Variants in SEMA3E observed in about 807,000 individuals in gnomAD.
SEMA3E encodes the protein semaphorin-3E.
SEMA3E carries 49 observed loss-of-function variants against 93.6 expected under a neutral mutation model. That is an observed-to-expected ratio of 0.52 (90% CI 0.42 to 0.66). SEMA3E has a LOEUF of 0.66. Among genes scored for constraint, SEMA3E ranks in the 30% least tolerant of loss-of-function variants. The pLI, the probability that SEMA3E is intolerant of heterozygous loss-of-function variation, is 0.00. For missense variants in SEMA3E, 906 were observed against 964.8 expected (o/e 0.94, Z 0.81); for synonymous variants, 363 against 330.7 (o/e 1.10, Z -1.06).
At chr7:83,434,060 T>C (rs1476017087) in intron 4 of SEMA3E, among the ~76,000 whole-genome samples, 1 of 152,264 alleles carries the variant, frequency 6.6e-6, no homozygotes, top group East Asian at 1.9e-4. Flanking sequence ...GCTAAATAAC[T>C]GTAGTTTTAC....
chr7:83,441,331 T>A (rs138156131), intron 4 of SEMA3E, among the ~76,000 whole-genome samples: 136 of 152,288 alleles, frequency 8.9e-4, no homozygotes, highest in Non-Finnish European at 1.5e-3. Flanking sequence ...ACATTTCATA[T>A]GGGGAATGTG....
chr7:83,471,722 T>C (rs1281807990), intron 2 of SEMA3E, among the ~76,000 whole-genome samples: 1 of 152,314 alleles, frequency 6.6e-6, no homozygotes, highest in Admixed American at 6.5e-5. Context: ...CACCAGTCTA[T>C]TATTAGTGAA....
chr7:83,423,628 C>A (rs930904490), intron 4 of SEMA3E, among the ~76,000 whole-genome samples: 1 of 151,476 alleles, frequency 6.6e-6, no homozygotes, highest in Non-Finnish European at 1.5e-5. Flanking sequence ...CTCAGCCTCC[C>A]GAGTAGCTGG....
chr7:83,613,682 A>G lies in SEMA3E; in HGVS notation c.115+34746T>C, dbSNP rs141492974. Among the ~76,000 whole-genome samples, 942 of 152,180 alleles carry G rather than the reference A, an allele frequency of 6.2e-3. 5 individuals carry two copies. Among genetic ancestry groups the G allele is most frequent in the African/African-American group, 0.022 (903 of 41,548 alleles). ...CTTATTCCTAAGATCAAGATAGTAA[A>G]ATTAATTTAAAAAATAATAAACTTA... On this transcript the variant is annotated intron_variant, in intron 1 of 16. Transcript: ENST00000643230.
intron 14 of SEMA3E, among the ~76,000 whole-genome samples, chr7:83,389,701 C>CACATATACACGTATATATTACATGTAT (rs1168003698): frequency 1.9e-4 from 28 of 148,408 alleles, no homozygotes; most frequent in African/African-American, 5.7e-4. Context: ...TATACATACA[C>CACATATACACGTATATATTACATGTAT]ACATATATAC....
At chr7:83,533,523 G>T (rs1228590551) in intron 1 of SEMA3E, among the ~76,000 whole-genome samples, 1 of 151,844 alleles carries the variant, frequency 6.6e-6, no homozygotes, top group Non-Finnish European at 1.5e-5. Flanking sequence ...CGGCCTGGGC[G>T]ACAGAGTGAG....
rs754809666 is a variant in SEMA3E at position 83,400,264 on chromosome 7, G to A, written c.1144-14C>T. ...TTTGCTGGCACACTGAAAAACAAGT[G>A]GATCAGATAATTCTTTTTGCTTTAC... On this transcript the variant is annotated splice_polypyrimidine_tract_variant and intron_variant, in intron 10 of 16. Coordinates refer to ENST00000643230, the MANE Select transcript of SEMA3E (RefSeq NM_012431.3). The A allele has an allele frequency of 4.3e-6, 7 of 1,610,000 alleles. No individual in the cohort carries two copies. In the East Asian group the frequency reaches 1.3e-4, roughly 31 times the overall value.
intron 1 of SEMA3E, among the ~76,000 whole-genome samples, chr7:83,613,714 C>T (rs1039657332): frequency 3.9e-5 from 6 of 152,006 alleles, no homozygotes; most frequent in African/African-American, 1.4e-4. Context: ...CTTAAAACAG[C>T]ACTTTGGGGA....
At chr7:83,544,549 T>C (rs150950969) in intron 1 of SEMA3E, among the ~76,000 whole-genome samples, 1 of 152,300 alleles carries the variant, frequency 6.6e-6, no homozygotes, top group East Asian at 1.9e-4. Context: ...CTCACATGTA[T>C]GCTTTTTCCT....
chr7:83,637,604 G>A (rs1478455174), intron 1 of SEMA3E, among the ~76,000 whole-genome samples: 1 of 152,028 alleles, frequency 6.6e-6, no homozygotes, highest in East Asian at 1.9e-4. Context: ...GTTCTCGGGA[G>A]ATCTGATGGT....
intron 2 of SEMA3E, among the ~76,000 whole-genome samples, chr7:83,473,435 C>G (rs1001173048): frequency 1.3e-4 from 20 of 152,196 alleles, no homozygotes; most frequent in Non-Finnish European, 2.5e-4. Context: ...TCCCCTTCCT[C>G]TATCCATCAC....
intron 1 of SEMA3E, among the ~76,000 whole-genome samples, chr7:83,577,667 C>T (rs1792434002): frequency 6.6e-6 from 1 of 152,066 alleles, no homozygotes; most frequent in Non-Finnish European, 1.5e-5. Flanking sequence ...GCAAATTCTC[C>T]ATTCATTTTT....
intron 1 of SEMA3E, among the ~76,000 whole-genome samples, chr7:83,532,922 C>A (rs1791333466): frequency 6.6e-6 from 1 of 152,074 alleles, no homozygotes; most frequent in African/African-American, 2.4e-5. Context: ...GAACTCTCAT[C>A]ACTAAAGATG....
Position 83,412,819 on chromosome 7 carries a change from G to A in SEMA3E, c.551-4332C>T, listed in dbSNP as rs189837184. On this transcript the variant is annotated intron_variant, in intron 5 of 16. Coordinates refer to ENST00000643230, the MANE Select transcript of SEMA3E (RefSeq NM_012431.3). ...CTTAACTTTTAAAAACTGTTTCAGAGAGAAAATATCAAACGAAAGAAAAGG... is the reference window on the plus strand; with the variant it reads ...CTTAACTTTTAAAAACTGTTTCAGAAAGAAAATATCAAACGAAAGAAAAGG... Among the ~76,000 whole-genome samples, 479 of 150,826 alleles carry A rather than the reference G, an allele frequency of 3.2e-3. 1 individual carries two copies. Among genetic ancestry groups the A allele is most frequent in the Non-Finnish European group, 5.4e-3 (370 of 67,890 alleles).
At chr7:83,533,297 T>A (rs1343518333) in intron 1 of SEMA3E, among the ~76,000 whole-genome samples, 1 of 152,076 alleles carries the variant, frequency 6.6e-6, no homozygotes, top group Non-Finnish European at 1.5e-5. Context: ...ATCCCAACAC[T>A]TTGGGAGGCC....
rs571499838 is a variant in SEMA3E at position 83,522,405 on chromosome 7, G to C, written c.116-32131C>G. Among the ~76,000 whole-genome samples, 6 of 152,188 alleles carry C rather than the reference G, an allele frequency of 3.9e-5. No individual in the cohort carries two copies. The South Asian group carries it at 1.2e-3, about 32-fold the overall frequency. ...ATTGACCAATATTTGACAGGTACAA[G>C]GATATAAAAGCCCAGGTCCCTCGAC... is the stretch of plus-strand genomic sequence containing the variant. On this transcript the variant is annotated intron_variant, in intron 1 of 16. Coordinates refer to ENST00000643230, the MANE Select transcript of SEMA3E (RefSeq NM_012431.3).
chr7:83,555,086 T>C (rs567366500), intron 1 of SEMA3E, among the ~76,000 whole-genome samples: 1 of 152,316 alleles, frequency 6.6e-6, no homozygotes, highest in Non-Finnish European at 1.5e-5. Context: ...GAATTATTCA[T>C]TATAGAGAAT....
In SEMA3E at chr7:83,639,131, AAAAAAAAAAC is replaced by A. The variant is rs1359751076; in HGVS notation, c.115+9287_115+9296del. 1.9e-3 allele frequency among the ~76,000 whole-genome samples: 267 copies of A among 141,752 alleles called. 12 individuals are homozygous for A. The highest frequency in any genetic ancestry group is 8.8e-3 in the East Asian group (44 of 4,978). The allele number at this position is 141,752 out of a possible 152,430, so 93.0% of individuals were successfully genotyped here. On this transcript the variant is annotated intron_variant, in intron 1 of 16. Coordinates refer to ENST00000643230, the MANE Select transcript of SEMA3E (RefSeq NM_012431.3). ...GTCTCAAAAAAAAAAAAAAAAAAAA[AAAAAAAAAAC>A]AGAGATTCCTGAGCCTCAGAATTAT... is the stretch of plus-strand genomic sequence containing the variant.
rs200925353 is a variant in SEMA3E at position 83,571,075 on chromosome 7, C to CA, written c.115+77352dup. 3.8e-3 allele frequency among the ~76,000 whole-genome samples: 504 copies of CA among 134,346 alleles called. 3 individuals carry two copies. The highest frequency in any genetic ancestry group is 0.012 in the South Asian group (49 of 4,226). 88.1% of individuals were successfully genotyped at this position (134,346 alleles called of 152,430 possible). ...AATGGAATCTGTAATAAAATCCCAC[C>CA]AAAAAAAAAAAAGGAAAGAAAGAAA... On this transcript the variant is annotated intron_variant, in intron 1 of 16. Coordinates refer to ENST00000643230, the MANE Select transcript of SEMA3E (RefSeq NM_012431.3).
Sources: allele counts gnomAD v4.1 joint callset (sites outside exome capture counted in the v4.1 genomes callset), GRCh38; gene constraint gnomAD v4.1.1; transcripts MANE v1.5; gene names NCBI Gene and HGNC (gene_info 2026-07-23, HGNC 2026-07-21).